Variants in BRWD1 observed in about 807,000 individuals in gnomAD.
The protein encoded by BRWD1 is bromodomain and WD repeat-containing protein 1.
In BRWD1, 82 loss-of-function variants were observed where a neutral mutation model predicts 251.2. That is an observed-to-expected ratio of 0.33 (90% confidence interval 0.27 to 0.39). The LOEUF (loss-of-function observed/expected upper bound fraction) is 0.39. Ranked by LOEUF, BRWD1 falls within the 10% of genes least tolerant of loss-of-function variation. The probability of loss-of-function intolerance (pLI) is 1.00; values close to 1 mark genes in which losing one functional copy is unlikely to be tolerated. For missense variants in BRWD1, 2,233 were observed against 2,711.6 expected, an observed-to-expected ratio of 0.82 and a Z score of 3.92; for synonymous variants, 918 against 902.8, an observed-to-expected ratio of 1.02 and a Z score of -0.30.
chr21:39,194,913 T>C lies in BRWD1; in HGVS notation c.*1346A>G. 6.6e-7 allele frequency: 1 copy of C among 1,510,372 alleles called. No individual in the cohort carries two copies. Among genetic ancestry groups the C allele is most frequent in the South Asian group, 1.3e-5 (1 of 79,388 alleles). The allele number at this position is 1,510,372 out of a possible 1,614,324, so 93.6% of individuals were successfully genotyped here. A position where few individuals can be genotyped will look rare whatever the true frequency, so the allele number is the denominator to read the frequency against. ...GCTAATAAATAACTTACAGGTGGGG[T>C]ACTGTAACATATCCCTTACCCACTA... On this transcript the variant is annotated 3_prime_UTR_variant, in exon 41 of 41. Coordinates refer to ENST00000342449, the MANE Select transcript of BRWD1 (RefSeq NM_033656.4).
chr21:39,205,137 A>T (rs1158517680), intron 37 of BRWD1, among the ~76,000 whole-genome samples: 1 of 152,194 alleles, frequency 6.6e-6, no homozygotes, highest in Non-Finnish European at 1.5e-5. Flanking sequence ...TTCAGAATGT[A>T]CAGTACTCTA....
chr21:39,193,411 A>C lies in BRWD1; in HGVS notation c.*2848T>G. ...CTTCACATTGTAAGTATACCTTTTT[A>C]AATAAGGAGGACACGAAAAAAGAAA... On this transcript the variant is annotated 3_prime_UTR_variant, in exon 41 of 41. Transcript: ENST00000342449. The C allele has an allele frequency of 1.0e-6, 1 of 984,646 alleles. No individual in the cohort carries two copies. Among genetic ancestry groups the C allele is most frequent in the Non-Finnish European group, 1.2e-6 (1 of 829,242 alleles). The allele number at this position is 984,646 out of a possible 1,614,324, so 61.0% of individuals were successfully genotyped here. A position where few individuals can be genotyped will look rare whatever the true frequency, so the allele number is the denominator to read the frequency against.
chr21:39,257,819 CA>C (rs1005299946), intron 18 of BRWD1, among the ~76,000 whole-genome samples: 11 of 150,836 alleles, frequency 7.3e-5, no homozygotes, highest in South Asian at 2.1e-4. Context: ...CACACATACA[CA>C]AAAAAAAGCA....
intron 21 of BRWD1, among the ~76,000 whole-genome samples, chr21:39,240,777 T>C (rs1394798942): frequency 6.6e-6 from 1 of 152,244 alleles, no homozygotes; most frequent in African/African-American, 2.4e-5. Flanking sequence ...GTATTTTGTA[T>C]AAGAAGGATA....
At chr21:39,202,569 A>G (rs769004058) in intron 37 of BRWD1, 24 bp from the exon 38 acceptor site, 1 of 1,537,800 alleles carries the variant, frequency 6.5e-7, no homozygotes, top group Non-Finnish European at 9.0e-7. Flanking sequence ...TGAACAAAGG[A>G]AACAGTATTT....
At chr21:39,266,424 T>C (rs1173450263) in intron 15 of BRWD1, among the ~76,000 whole-genome samples, 1 of 152,198 alleles carries the variant, frequency 6.6e-6, no homozygotes, top group African/African-American at 2.4e-5. Flanking sequence ...ATGTACCATT[T>C]TGCATCCCTG....
intron 22 of BRWD1, among the ~76,000 whole-genome samples, chr21:39,238,004 A>T (rs1209132734): frequency 6.6e-6 from 1 of 152,136 alleles, no homozygotes; most frequent in African/African-American, 2.4e-5. Flanking sequence ...AGAATTTTCT[A>T]GCCATGTTAC....
intron 17 of BRWD1, among the ~76,000 whole-genome samples, chr21:39,261,044 G>A (rs2034727332): frequency 6.6e-6 from 1 of 152,142 alleles, no homozygotes; most frequent in African/African-American, 2.4e-5. Context: ...GGCCAGCATG[G>A]TGAAACTTCA....
intron 15 of BRWD1, among the ~76,000 whole-genome samples, chr21:39,266,825 C>T (rs1196724352): frequency 6.6e-6 from 1 of 152,152 alleles, no homozygotes; most frequent in East Asian, 1.9e-4. Flanking sequence ...CTTAGCTGAG[C>T]AGTAAGGAAA....
chr21:39,229,364 C>T lies in BRWD1; in HGVS notation c.3073G>A (p.Ala1025Thr), dbSNP rs1370711223. Residue 1025 changes from alanine (A) to threonine (T), a missense_variant, in exon 26 of 41, where the codon GCA (alanine) becomes ACA (threonine). Physicochemically the swap from Ala to Thr is moderately conservative, Grantham distance 58. Coordinates refer to ENST00000342449, the MANE Select transcript of BRWD1 (RefSeq NM_033656.4). ...GPPTLCCLKL[A>T]FIDPATGKLM... The stretch of plus-strand genomic sequence containing the variant: ...TTTCCAGTTGCTGGATCTATAAATG[C>T]TAGTTTTAGGCAACAGAGTGTAGGG... 5 of 1,607,434 alleles carry T rather than the reference C, an allele frequency of 3.1e-6. No individual in the cohort carries two copies. Among genetic ancestry groups the T allele is most frequent in the East Asian group, 2.2e-5 (1 of 44,816 alleles).
Position 39,196,360 on chromosome 21 carries a change from T to C in BRWD1, c.6709A>G (p.Ile2237Val). ...KSKRVLRRSK[I>V]KTRNQGRRTV... is the part of the protein sequence containing the mutation. ...CTTCTACCCTGATTTCTCGTTTTTATTTTTGAACGTCGAAGAACTCTTTTA... is the reference window on the plus strand; with the variant it reads ...CTTCTACCCTGATTTCTCGTTTTTACTTTTGAACGTCGAAGAACTCTTTTA... Residue 2237 changes from isoleucine to valine, a missense_variant, in exon 41 of 41, where the codon ATA (isoleucine) becomes GTA (valine). Ile to Val is a conservative substitution (Grantham distance 29, BLOSUM62 3). Around this residue, in one of 12 missense-constraint regions of BRWD1, gnomAD observed 928 missense variants for 970.0 expected, o/e 0.96. Coordinates refer to ENST00000342449, the MANE Select transcript of BRWD1 (RefSeq NM_033656.4). The C allele has an allele frequency of 6.2e-7, 1 of 1,613,694 alleles. No individual in the cohort carries two copies. Among genetic ancestry groups the C allele is most frequent in the Non-Finnish European group, 8.5e-7 (1 of 1,179,688 alleles).
Position 39,190,093 on chromosome 21 carries a change from A to C in BRWD1, c.*6166T>G, listed in dbSNP as rs1228997446. On this transcript the variant is annotated 3_prime_UTR_variant, in exon 41 of 41. Coordinates refer to ENST00000342449, the MANE Select transcript of BRWD1 (RefSeq NM_033656.4). ...GATCATTTCCCTGGATGACCACTTT[A>C]AATTATAACTCACAGATATGTGTGT... 2 of 985,260 alleles carry C rather than the reference A, an allele frequency of 2.0e-6. No homozygotes were observed. Among genetic ancestry groups the C allele is most frequent in the Non-Finnish European group, 2.4e-6 (2 of 829,878 alleles). 61.0% of individuals were successfully genotyped at this position (985,260 alleles called of 1,614,324 possible).
chr21:39,217,502 CA>C, intron 31 of BRWD1: 1 of 189,750 alleles, frequency 5.3e-6, no homozygotes, highest in Non-Finnish European at 1.1e-5. Context: ...ACTACTTGGC[CA>C]ATCACAATAG....
intron 4 of BRWD1, among the ~76,000 whole-genome samples, chr21:39,307,481 CATATT>C (rs1462819048): frequency 6.6e-6 from 1 of 152,000 alleles, no homozygotes; most frequent in African/African-American, 2.4e-5. Context: ...ATATATTGCA[CATATT>C]ATATGTATAT....
intron 32 of BRWD1, among the ~76,000 whole-genome samples, chr21:39,214,662 G>C (rs1279840880): frequency 1.3e-5 from 2 of 151,764 alleles, no homozygotes; most frequent in Non-Finnish European, 2.9e-5. Flanking sequence ...GTATACCGTA[G>C]TTATATAAAA....
intron 4 of BRWD1, among the ~76,000 whole-genome samples, chr21:39,311,345 C>T (rs2036477932): frequency 1.3e-5 from 2 of 151,852 alleles, no homozygotes; most frequent in Admixed American, 6.6e-5. Context: ...TTTTCTGTTA[C>T]TTATTCTTTG....
chr21:39,294,265 T>G lies in BRWD1; in HGVS notation c.610-233A>C, dbSNP rs2035891846. Among the ~76,000 whole-genome samples, 4 of 152,260 alleles carry G rather than the reference T, an allele frequency of 2.6e-5. No homozygotes were observed. The South Asian group carries it at 8.3e-4, about 32-fold the overall frequency. Reference sequence around the variant, plus strand: ...ACTGCCGAGTTATCATTTCTACGGGTCAGACTCCATTACCAATACTATTTT... The same window carrying G: ...ACTGCCGAGTTATCATTTCTACGGGGCAGACTCCATTACCAATACTATTTT... On this transcript the variant is annotated intron_variant, in intron 7 of 40. Coordinates refer to ENST00000342449, the MANE Select transcript of BRWD1 (RefSeq NM_033656.4).
At chr21:39,236,900 G>A in intron 22 of BRWD1, 116 bp from the exon 23 acceptor site, 1 of 855,020 alleles carries the variant, frequency 1.2e-6, no homozygotes, top group Non-Finnish European at 1.8e-6. Context: ...GAAGATACCA[G>A]AAAGACTTAA....
chr21:39,233,380 A>G (rs1420732502), intron 23 of BRWD1, among the ~76,000 whole-genome samples: 1 of 152,238 alleles, frequency 6.6e-6, no homozygotes, highest in Non-Finnish European at 1.5e-5. Context: ...GGTTTGTTAT[A>G]TACAGCAATA....
Sources: allele counts gnomAD v4.1 joint callset (sites outside exome capture counted in the v4.1 genomes callset), GRCh38; gene constraint gnomAD v4.1.1; regional missense constraint gnomAD v4.1.1; transcripts MANE v1.5; gene names NCBI Gene and HGNC (gene_info 2026-07-23, HGNC 2026-07-21).